NF1: variants seen among roughly 807,000 people sequenced by gnomAD.
NF1 encodes the protein neurofibromin.
A neutral mutation model predicts 325.7 loss-of-function variants in NF1; 122 were observed. The ratio of observed to expected loss-of-function variants is 0.37; its 90% CI spans 0.32 to 0.44. NF1 has a LOEUF of 0.44. Among genes scored for constraint, NF1 ranks in the 20% least tolerant of loss-of-function variants. NF1 has a pLI of 1.00. For synonymous variants in NF1, 1,091 were observed against 1,186.0 expected (o/e 0.92, Z 1.65); for missense variants, 2,140 against 3,415.4 (o/e 0.63, Z 9.31).
At chr17:31,290,334 A>G (rs1416636526) in intron 36 of NF1, among the ~76,000 whole-genome samples, 2 of 152,178 alleles carry the variant, frequency 1.3e-5, no homozygotes, top group Non-Finnish European at 1.5e-5. Context: ...AGTGTATCAC[A>G]TGAAGTGAGT....
chr17:31,349,800 T>G (rs998740898), intron 49 of NF1, among the ~76,000 whole-genome samples: 1 of 152,226 alleles, frequency 6.6e-6, no homozygotes, highest in Non-Finnish European at 1.5e-5. Flanking sequence ...TTAGCACTTA[T>G]GTACAATACA....
At chr17:31,278,407 GTTTTTTT>G (rs376109355) in intron 36 of NF1, among the ~76,000 whole-genome samples, 21 of 109,544 alleles carry the variant, frequency 1.9e-4, no homozygotes, top group African/African-American at 3.5e-4. Context: ...GATTTTTTGG[GTTTTTTT>G]TTTTTTTTTT....
chr17:31,168,629 G>A (rs1247874106), intron 4 of NF1, among the ~76,000 whole-genome samples: 2 of 151,932 alleles, frequency 1.3e-5, no homozygotes, highest in African/African-American at 4.8e-5. Flanking sequence ...TTGGATTCAC[G>A]TTCATTTGGC....
At chr17:31,197,146 G>T (rs1386828800) in intron 8 of NF1, among the ~76,000 whole-genome samples, 1 of 151,628 alleles carries the variant, frequency 6.6e-6, no homozygotes, top group Non-Finnish European at 1.5e-5. Context: ...CCAGGGTCAC[G>T]CCATTCTACT....
intron 1 of NF1, among the ~76,000 whole-genome samples, chr17:31,130,485 A>C (rs1915277939): frequency 6.7e-6 from 1 of 148,748 alleles, no homozygotes. Context: ...GTACACATGC[A>C]CTGGTGGTGG....
chr17:31,345,127 G>T (rs539157905), intron 48 of NF1, among the ~76,000 whole-genome samples: 6 of 152,132 alleles, frequency 3.9e-5, no homozygotes, highest in African/African-American at 1.4e-4. Flanking sequence ...TGTCTTAAAA[G>T]ACAAGAAAAG....
chr17:31,126,352 T>C (rs1358555789), intron 1 of NF1, among the ~76,000 whole-genome samples: 1 of 152,234 alleles, frequency 6.6e-6, no homozygotes, highest in Non-Finnish European at 1.5e-5. Flanking sequence ...TTTCTTATTC[T>C]GTGAAGTGTC....
At chr17:31,351,615 C>G (rs1480011362) in intron 50 of NF1, among the ~76,000 whole-genome samples, 2 of 152,146 alleles carry the variant, frequency 1.3e-5, no homozygotes, top group Admixed American at 1.3e-4. Flanking sequence ...GGGGTTTCAC[C>G]ATGTTGGGCA....
chr17:31,274,904 C>G (rs1044680983), intron 36 of NF1, among the ~76,000 whole-genome samples: 2 of 152,146 alleles, frequency 1.3e-5, no homozygotes, highest in Admixed American at 6.5e-5. Context: ...AGTGTTTTCT[C>G]CTTCCTATTT....
chr17:31,137,127 G>A (rs568491135), intron 1 of NF1: 75 of 152,052 alleles, frequency 4.9e-4, no homozygotes, highest in African/African-American at 1.7e-3. Flanking sequence ...TCTCCTTTTT[G>A]TTGTTTGTTC....
intron 1 of NF1, among the ~76,000 whole-genome samples, chr17:31,107,393 A>G (rs1002989711): frequency 6.6e-6 from 1 of 152,228 alleles, no homozygotes; most frequent in Middle Eastern, 3.4e-3. Context: ...CTCTCATGAC[A>G]CAAACTACCC....
At chr17:31,170,965 C>G (rs936396584) in intron 5 of NF1, among the ~76,000 whole-genome samples, 4 of 152,144 alleles carry the variant, frequency 2.6e-5, no homozygotes, top group Admixed American at 6.5e-5. Flanking sequence ...TTTTTAATAT[C>G]TGACCTAAAA....
chr17:31,299,920 C>A (rs1172015074), intron 36 of NF1, among the ~76,000 whole-genome samples: 1 of 151,906 alleles, frequency 6.6e-6, no homozygotes, highest in Non-Finnish European at 1.5e-5. Flanking sequence ...CTTCTGTCCC[C>A]CATATTTTCT....
chr17:31,169,122 A>G (rs1360741698), intron 4 of NF1, among the ~76,000 whole-genome samples: 1 of 152,194 alleles, frequency 6.6e-6, no homozygotes, highest in Admixed American at 6.5e-5. Context: ...CATTGTAGAC[A>G]TAATTCTTTT....
chr17:31,373,984 A>T (rs2151601108), intron 57 of NF1, 29 bp from the exon 58 acceptor site: 4 of 1,613,810 alleles, frequency 2.5e-6, no homozygotes, highest in Non-Finnish European at 3.4e-6. Flanking sequence ...GGAAAAGAAG[A>T]AGTAACTGGC....
intron 1 of NF1, among the ~76,000 whole-genome samples, chr17:31,117,183 A>G (rs1597579042): frequency 6.7e-6 from 1 of 149,114 alleles, no homozygotes; most frequent in South Asian, 2.1e-4. Context: ...GTTTCACCAT[A>G]TTGGCCAGGC....
intron 36 of NF1, among the ~76,000 whole-genome samples, chr17:31,285,855 A>G (rs529397898): frequency 6.6e-6 from 1 of 152,288 alleles, no homozygotes; most frequent in African/African-American, 2.4e-5. Flanking sequence ...ACTAGCTCTT[A>G]GTGGTATTTG....
At chr17:31,165,380 G>A (rs2065828055) in intron 4 of NF1, among the ~76,000 whole-genome samples, 1 of 152,114 alleles carries the variant, frequency 6.6e-6, no homozygotes, top group Non-Finnish European at 1.5e-5. Context: ...CATTTAGCTT[G>A]TGTCAGAAAT....
At chr17:31,117,672 C>CAAAAAAAAAAAAAAAAAA (rs780828438) in intron 1 of NF1, among the ~76,000 whole-genome samples, 2 of 19,814 alleles carry the variant, frequency 1.0e-4, no homozygotes, top group African/African-American at 1.2e-4. Flanking sequence ...AACTCCATCT[C>CAAAAAAAAAAAAAAAAAA]AAAAAAAAAA....
Sources: allele counts gnomAD v4.1 joint callset (sites outside exome capture counted in the v4.1 genomes callset), GRCh38; gene constraint gnomAD v4.1.1; transcripts MANE v1.5; gene names NCBI Gene and HGNC (gene_info 2026-07-23, HGNC 2026-07-21).